Variants in CAMK2D observed in about 807,000 individuals in gnomAD.
CAMK2D encodes calcium/calmodulin-dependent protein kinase type II subunit delta.
A neutral mutation model predicts 84.0 loss-of-function variants in CAMK2D; 37 were observed. The ratio of observed to expected loss-of-function variants is 0.44; its 90% CI spans 0.34 to 0.58. CAMK2D has a LOEUF of 0.58. Ranked by LOEUF, CAMK2D falls within the 20% of genes least tolerant of loss-of-function variation. The probability of loss-of-function intolerance (pLI) is 0.02; values close to 1 mark genes in which losing one functional copy is unlikely to be tolerated. For missense variants in CAMK2D, 448 were observed against 652.5 expected (o/e 0.69, Z 3.41); for synonymous variants, 202 against 212.5 (o/e 0.95, Z 0.43).
intron 3 of CAMK2D, among the ~76,000 whole-genome samples, chr4:113,656,883 A>G (rs2099203329): frequency 2.0e-5 from 3 of 152,146 alleles, no homozygotes. Context: ...ACTAGATCTC[A>G]TCCTTGGACA....
chr4:113,681,466 C>T (rs1053552677), intron 2 of CAMK2D, among the ~76,000 whole-genome samples: 1 of 152,174 alleles, frequency 6.6e-6, no homozygotes, highest in Admixed American at 6.5e-5. Flanking sequence ...CCTGAGGCTT[C>T]CCCAGCAATG....
chr4:113,599,454 G>A (rs77763841), intron 4 of CAMK2D, among the ~76,000 whole-genome samples: 6,078 of 152,224 alleles, frequency 0.04, 354 homozygotes, highest in East Asian at 0.19. Flanking sequence ...CATTGGGTAA[G>A]TCAATAAACT....
At chr4:113,737,856 T>C (rs916032149) in intron 2 of CAMK2D, among the ~76,000 whole-genome samples, 6 of 152,144 alleles carry the variant, frequency 3.9e-5, no homozygotes, top group Non-Finnish European at 8.8e-5. Context: ...AGCTCTCTAG[T>C]AAATGAGAAT....
intron 2 of CAMK2D, among the ~76,000 whole-genome samples, chr4:113,723,983 T>G (rs112675902): frequency 6.6e-6 from 1 of 152,144 alleles, no homozygotes; most frequent in African/African-American, 2.4e-5. Flanking sequence ...ATATAACATA[T>G]TGATGTTATA....
intron 16 of CAMK2D, among the ~76,000 whole-genome samples, chr4:113,476,096 A>T (rs2097610989): frequency 6.6e-6 from 1 of 152,190 alleles, no homozygotes; most frequent in East Asian, 1.9e-4. Context: ...AAAATGATAG[A>T]ACCTCTTGAT....
chr4:113,579,726 T>C (rs2098799527), intron 4 of CAMK2D, among the ~76,000 whole-genome samples: 1 of 152,210 alleles, frequency 6.6e-6, no homozygotes, highest in African/African-American at 2.4e-5. Flanking sequence ...AAACCTTTTT[T>C]CTTTATAAAT....
intron 2 of CAMK2D, among the ~76,000 whole-genome samples, chr4:113,701,568 C>A (rs1319829017): frequency 6.6e-6 from 1 of 152,124 alleles, no homozygotes; most frequent in African/African-American, 2.4e-5. Context: ...AAAGTTGTCT[C>A]AGGTTAGCTA....
At chr4:113,701,687 T>C (rs1037330404) in intron 2 of CAMK2D, among the ~76,000 whole-genome samples, 6 of 152,114 alleles carry the variant, frequency 3.9e-5, no homozygotes, top group Admixed American at 3.9e-4. Context: ...GCTGAGACCG[T>C]ACGTAGGTTT....
At chr4:113,720,366 T>TCA (rs70961845) in intron 2 of CAMK2D, among the ~76,000 whole-genome samples, 55,725 of 148,492 alleles carry the variant, frequency 0.38, 10,853 homozygotes, top group Admixed American at 0.51. Flanking sequence ...AATCACATTC[T>TCA]CACACACACA....
chr4:113,491,834 A>G (rs1413416165), intron 16 of CAMK2D, among the ~76,000 whole-genome samples: 2 of 151,854 alleles, frequency 1.3e-5, no homozygotes, highest in East Asian at 1.9e-4. Context: ...TTATTGGTCT[A>G]TTCAGAGATT....
At chr4:113,655,464 A>C (rs1343891759) in intron 3 of CAMK2D, among the ~76,000 whole-genome samples, 1 of 152,112 alleles carries the variant, frequency 6.6e-6, no homozygotes, top group Non-Finnish European at 1.5e-5. Flanking sequence ...AAAAGGTTAC[A>C]TAGCTCTTCC....
chr4:113,737,515 A>G (rs1251094244), intron 2 of CAMK2D, among the ~76,000 whole-genome samples: 2 of 152,140 alleles, frequency 1.3e-5, no homozygotes, highest in Admixed American at 6.5e-5. Context: ...CTTAATGAAT[A>G]TAGAGTTCTA....
intron 8 of CAMK2D, among the ~76,000 whole-genome samples, chr4:113,523,106 CCTGA>C (rs2098382572): frequency 6.6e-6 from 1 of 152,180 alleles, no homozygotes; most frequent in Non-Finnish European, 1.5e-5. Context: ...CAAAACCTGA[CCTGA>C]CTATGGTGGC....
intron 2 of CAMK2D, among the ~76,000 whole-genome samples, chr4:113,731,939 C>T (rs1383732156): frequency 6.6e-6 from 1 of 151,918 alleles, no homozygotes; most frequent in Non-Finnish European, 1.5e-5. Flanking sequence ...TTGTTATGTC[C>T]ACAGCCGTAT....
chr4:113,526,025 T>A (rs2098414684), intron 8 of CAMK2D, among the ~76,000 whole-genome samples: 1 of 152,212 alleles, frequency 6.6e-6, no homozygotes, highest in South Asian at 2.1e-4. Flanking sequence ...CACTTTCATG[T>A]CACACGAGTG....
At chr4:113,493,940 C>T (rs1247461225) in intron 16 of CAMK2D, among the ~76,000 whole-genome samples, 1 of 152,188 alleles carries the variant, frequency 6.6e-6, no homozygotes, top group Non-Finnish European at 1.5e-5. Context: ...CGCATCGGCT[C>T]CTGAGGCTTC....
chr4:113,683,125 C>G (rs768443575), intron 2 of CAMK2D, among the ~76,000 whole-genome samples: 3 of 152,184 alleles, frequency 2.0e-5, no homozygotes, highest in African/African-American at 4.8e-5. Context: ...ATATTTTAAA[C>G]ACAACTAATA....
intron 6 of CAMK2D, among the ~76,000 whole-genome samples, chr4:113,537,745 G>A (rs565295343): frequency 5.9e-5 from 9 of 152,250 alleles, no homozygotes; most frequent in Non-Finnish European, 8.8e-5. Flanking sequence ...ATGTTTCCAA[G>A]GACTGCTCAG....
intron 2 of CAMK2D, among the ~76,000 whole-genome samples, chr4:113,725,028 GATTTA>G (rs2099541849): frequency 6.6e-6 from 1 of 151,778 alleles, no homozygotes; most frequent in Admixed American, 6.6e-5. Context: ...TCCATTCAGC[GATTTA>G]ATTTCCAAAG....
Sources: allele counts gnomAD v4.1 joint callset (sites outside exome capture counted in the v4.1 genomes callset), GRCh38; gene constraint gnomAD v4.1.1; transcripts MANE v1.5; gene names NCBI Gene and HGNC (gene_info 2026-07-23, HGNC 2026-07-21).